Variants in TRAK1 observed in about 807,000 individuals in gnomAD.
TRAK1 encodes the protein trafficking kinesin protein 1, also known as trafficking kinesin-binding protein 1.
Under a neutral mutation model 92.1 loss-of-function variants are expected in TRAK1, and 33 were observed. The ratio of observed to expected loss-of-function variants is 0.36; its 90% confidence interval spans 0.27 to 0.48. TRAK1 has a LOEUF of 0.48. Among genes scored for constraint, TRAK1 ranks in the 20% least tolerant of loss-of-function variants. The pLI is 0.99. For synonymous variants in TRAK1, 521 were observed against 517.3 expected, an observed-to-expected ratio of 1.01 and a Z score of -0.10; for missense variants, 1,123 against 1,257.9, an observed-to-expected ratio of 0.89 and a Z score of 1.62.
chr3:42,020,411 C>T (rs1300195665), intron 1 of TRAK1, among the ~76,000 whole-genome samples: 1 of 152,118 alleles, frequency 6.6e-6, no homozygotes, highest in Non-Finnish European at 1.5e-5. Flanking sequence ...ATAGTGTGTA[C>T]TTTTGTGTCT....
rs35921270 is a variant in TRAK1, at chr3:42,203,201, A to ATT, written c.1744+457_1744+458dup. On this transcript the variant is annotated intron_variant, in intron 13 of 15. Transcript: ENST00000327628. ...TCCAAGCAAACTCTATTAAATGGGG[A>ATT]TTTTTTTTTCCCCATAACCACCTGA... is the stretch of plus-strand genomic sequence containing the variant. 7.0e-4 allele frequency: 748 copies of ATT among 1,068,926 alleles called. 2 individuals are homozygous for ATT. The highest frequency in any genetic ancestry group is 6.5e-3 in the East Asian group (99 of 15,252). The allele number at this position is 1,068,926 out of a possible 1,614,324, so 66.2% of individuals were successfully genotyped here. A position where few individuals can be genotyped will look rare whatever the true frequency, so the allele number is the denominator to read the frequency against.
At chr3:42,039,790 G>C (rs953588207) in intron 1 of TRAK1, among the ~76,000 whole-genome samples, 7 of 152,140 alleles carry the variant, frequency 4.6e-5, no homozygotes, top group African/African-American at 1.7e-4. Flanking sequence ...GTCATAGAGG[G>C]ACTGCCAGAC....
At position 42,202,599 on chromosome 3, in the gene TRAK1, G is replaced by A; in HGVS notation, c.1591G>A (p.Gly531Ser). ...GAAGCTCCAGGAGCTGGCGGAGAAG[G>A]GCGAGCTGCGCAGCGGCTCCCTCAC... The part of the protein sequence containing the change: ...ERKLQELAEK[G>S]ELRSGSLTPT... The change falls in exon 13 of 16, where the codon GGC becomes AGC. Residue 531 changes from glycine to serine, a missense_variant. Physicochemically the swap from Gly to Ser is moderately conservative, Grantham distance 56 (BLOSUM62 0). This residue lies in a region of TRAK1 where 686 missense variants were observed against 747.6 expected (regional missense o/e 0.92). Transcript: ENST00000327628. This position sits in a 1 kb window ranked among gnomAD's most constrained non-coding sequence, Gnocchi z 6.1. 1 of 1,593,044 alleles carries A rather than the reference G, an allele frequency of 6.3e-7. No individual in the cohort carries two copies. The highest frequency in any genetic ancestry group is 8.6e-7 in the Non-Finnish European group (1 of 1,164,010).
At chr3:42,024,830 A>G (rs9814523) in intron 1 of TRAK1, among the ~76,000 whole-genome samples, 10,320 of 152,216 alleles carry the variant, frequency 0.068, 911 homozygotes, top group African/African-American at 0.2. Flanking sequence ...ACGTCTTACC[A>G]TAGCCATTTG....
At chr3:42,081,644 TAG>T (rs1392276724) in intron 1 of TRAK1, among the ~76,000 whole-genome samples, 3 of 152,072 alleles carry the variant, frequency 2.0e-5, no homozygotes, top group African/African-American at 7.2e-5. Flanking sequence ...GCCATGTAGA[TAG>T]GTATGTGGAG....
At chr3:42,039,238 C>A (rs1453452279) in intron 1 of TRAK1, among the ~76,000 whole-genome samples, 1 of 152,070 alleles carries the variant, frequency 6.6e-6, no homozygotes, top group Non-Finnish European at 1.5e-5. Context: ...TAAGTGTTGC[C>A]CATGTTGTAG....
intron 1 of TRAK1, among the ~76,000 whole-genome samples, chr3:42,022,104 C>T (rs7651547): frequency 2.9e-3 from 440 of 152,262 alleles, no homozygotes; most frequent in African/African-American, 0.01. Flanking sequence ...TTGATGTGAG[C>T]TGTGGTTTTT....
chr3:42,076,975 G>A (rs927369082), intron 1 of TRAK1, among the ~76,000 whole-genome samples: 1 of 152,268 alleles, frequency 6.6e-6, no homozygotes, highest in South Asian at 2.1e-4. Context: ...TCTGTAACCT[G>A]TTCCATTGAT....
intron 2 of TRAK1, among the ~76,000 whole-genome samples, chr3:42,159,191 C>T (rs1369313867): frequency 1.3e-5 from 2 of 152,012 alleles, no homozygotes; most frequent in Non-Finnish European, 2.9e-5. Context: ...GATATGGTTC[C>T]CGAACTTGTG....
intron 14 of TRAK1, among the ~76,000 whole-genome samples, chr3:42,214,092 C>G (rs1354135636): frequency 6.6e-6 from 1 of 152,204 alleles, no homozygotes; most frequent in Non-Finnish European, 1.5e-5. Context: ...CTTAAAATAT[C>G]CAGAACAAAG....
chr3:42,185,305 A>C (rs1576864106), intron 4 of TRAK1, among the ~76,000 whole-genome samples: 1 of 152,254 alleles, frequency 6.6e-6, no homozygotes, highest in Non-Finnish European at 1.5e-5. Flanking sequence ...TCATCGTTGT[A>C]GTATAATTTT....
intron 2 of TRAK1, among the ~76,000 whole-genome samples, chr3:42,133,404 G>A (rs1007643841): frequency 2.6e-5 from 4 of 151,910 alleles, no homozygotes; most frequent in Non-Finnish European, 5.9e-5. Context: ...ATTATTTCTC[G>A]AGACTGGGTC....
At chr3:42,117,944 C>T (rs986809594) in intron 1 of TRAK1, among the ~76,000 whole-genome samples, 7 of 152,240 alleles carry the variant, frequency 4.6e-5, no homozygotes, top group East Asian at 1.9e-4. Context: ...CTCAGCCTCC[C>T]GAGTAGCTGG....
chr3:42,153,842 C>T (rs1481175139), intron 2 of TRAK1, among the ~76,000 whole-genome samples: 2 of 152,096 alleles, frequency 1.3e-5, no homozygotes, highest in African/African-American at 4.8e-5. Context: ...AATTTTCCTA[C>T]GTGTTGACGC....
chr3:42,157,810 G>A (rs1218231930), intron 2 of TRAK1, among the ~76,000 whole-genome samples: 1 of 152,174 alleles, frequency 6.6e-6, no homozygotes, highest in Non-Finnish European at 1.5e-5. Context: ...CAACTGAAGG[G>A]AATCTCAATA....
chr3:42,132,168 G>C (rs928205486), intron 2 of TRAK1, among the ~76,000 whole-genome samples: 1 of 151,656 alleles, frequency 6.6e-6, no homozygotes, highest in Non-Finnish European at 1.5e-5. Context: ...CATAGTATTT[G>C]CATTTAACCT....
At chr3:42,073,589 G>A (rs1704026651) in intron 1 of TRAK1, among the ~76,000 whole-genome samples, 1 of 152,204 alleles carries the variant, frequency 6.6e-6, no homozygotes, top group African/African-American at 2.4e-5. Flanking sequence ...GCATGTGAAA[G>A]CCCATTGTGA....
chr3:42,134,668 GC>G (rs916991553), intron 2 of TRAK1, among the ~76,000 whole-genome samples: 1 of 143,444 alleles, frequency 7.0e-6, no homozygotes, highest in African/African-American at 2.6e-5. Flanking sequence ...CTCACTGCAA[GC>G]TCTGCCTCCT....
chr3:42,204,680 G>A (rs1012753458), intron 13 of TRAK1, among the ~76,000 whole-genome samples: 7 of 152,158 alleles, frequency 4.6e-5, no homozygotes, highest in African/African-American at 1.7e-4. Flanking sequence ...GAATTCCTGG[G>A]CTCAAGCAAT....
Sources: gnomAD v4.1 joint callset for allele counts (sites outside exome capture counted in the v4.1 genomes callset) on GRCh38, gnomAD v4.1.1 for gene constraint, gnomAD v4.1.1 regional missense constraint, Gnocchi (gnomAD v3.1) non-coding constraint, MANE v1.5 for transcripts, NCBI Gene and HGNC (gene_info 2026-07-23, HGNC 2026-07-21) for gene names.